SMCO2: variants seen among roughly 807,000 people sequenced by gnomAD.
SMCO2 encodes the protein single-pass membrane and coiled-coil domain-containing protein 2.
A neutral mutation model predicts 29.5 loss-of-function variants in SMCO2; 25 were observed. The ratio of observed to expected loss-of-function variants is 0.85; its 90% CI spans 0.62 to 1.18. The LOEUF is 1.18. Among genes scored for constraint, SMCO2 ranks in the 50% most tolerant of loss-of-function variants. SMCO2 has a pLI of 0.00. For synonymous variants in SMCO2, 117 were observed against 123.3 expected (o/e 0.95, Z 0.34); for missense variants, 348 against 344.5 (o/e 1.01, Z -0.08).
chr12:27,477,721 A>T (rs1033437533), intron 4 of SMCO2, among the ~76,000 whole-genome samples: 1 of 135,158 alleles, frequency 7.4e-6, no homozygotes, highest in Non-Finnish European at 1.6e-5. Flanking sequence ...GATCTAGTCT[A>T]TTATTTCAGC....
the SMCO2 span, among the ~76,000 whole-genome samples, chr12:27,445,676 G>T: frequency 6.6e-6 from 1 of 152,134 alleles, no homozygotes; most frequent in African/African-American, 2.4e-5. Context: ...ACTCCACAGG[G>T]ACCCATGTGT....
intron 7 of SMCO2, chr12:27,497,142 G>C (rs550760123): frequency 6.4e-6 from 1 of 155,852 alleles, no homozygotes; most frequent in Non-Finnish European, 1.5e-5. Context: ...CAGGCCTTTT[G>C]TAAGGAATCT....
intron 3 of SMCO2, among the ~76,000 whole-genome samples, chr12:27,474,556 A>G (rs1949567981): frequency 6.6e-6 from 1 of 152,132 alleles, no homozygotes; most frequent in African/African-American, 2.4e-5. Flanking sequence ...CAGGACTGAA[A>G]AGAGCTCTCC....
At chr12:27,445,507 A>T in the SMCO2 span, among the ~76,000 whole-genome samples, 3 of 152,240 alleles carry the variant, frequency 2.0e-5, no homozygotes, top group Non-Finnish European at 2.9e-5. Context: ...AATTCATATC[A>T]CAGCCTTAGT....
intron 4 of SMCO2, among the ~76,000 whole-genome samples, chr12:27,477,728 C>A (rs372611): frequency 0.12 from 16,766 of 139,614 alleles, 1,823 homozygotes; most frequent in African/African-American, 0.28. Context: ...TCTATTATTT[C>A]AGCTCTTTAT....
chr12:27,501,781 T>A, intron 7 of SMCO2, 142 bp from the exon 9 acceptor site: 1 of 612,168 alleles, frequency 1.6e-6, no homozygotes, highest in Non-Finnish European at 2.7e-6. Flanking sequence ...CATTCCAAGC[T>A]GCTGCTTTTA....
intron 4 of SMCO2, among the ~76,000 whole-genome samples, chr12:27,481,180 T>A (rs1240917853): frequency 6.6e-6 from 1 of 152,194 alleles, no homozygotes; most frequent in African/African-American, 2.4e-5. Flanking sequence ...AGGTAGTCTG[T>A]GGCTGCTGGG....
At chr12:27,470,541 A>C (rs1015677045) in intron 1 of SMCO2, 81 bp from the exon 2 acceptor site, 1 of 1,454,560 alleles carries the variant, frequency 6.9e-7, no homozygotes, top group Non-Finnish European at 9.2e-7. Context: ...CTGAGGAAGA[A>C]GTTAGTCTGG....
the SMCO2 span, among the ~76,000 whole-genome samples, chr12:27,443,048 A>G: frequency 6.6e-6 from 1 of 152,218 alleles, no homozygotes; most frequent in Non-Finnish European, 1.5e-5. Flanking sequence ...ACACCAGAGA[A>G]GAAAATACCA....
chr12:27,500,001 G>A (rs1943057756), intron 7 of SMCO2, among the ~76,000 whole-genome samples: 1 of 150,254 alleles, frequency 6.7e-6, no homozygotes, highest in Non-Finnish European at 1.5e-5. Context: ...ACGTGGCAAG[G>A]TTTGAAAATT....
At chr12:27,473,926 G>A (rs929459368) in intron 3 of SMCO2, among the ~76,000 whole-genome samples, 1 of 152,178 alleles carries the variant, frequency 6.6e-6, no homozygotes, top group African/African-American at 2.4e-5. Context: ...AGCAGAACAT[G>A]TCTTGGATGC....
chr12:27,453,935 A>C, the SMCO2 span, among the ~76,000 whole-genome samples: 1 of 152,178 alleles, frequency 6.6e-6, no homozygotes, highest in South Asian at 2.1e-4. Context: ...CATCATCCAG[A>C]TATAACCATT....
At chr12:27,451,714 T>C in the SMCO2 span, among the ~76,000 whole-genome samples, 1 of 152,214 alleles carries the variant, frequency 6.6e-6, no homozygotes. Context: ...CTCAACAGCA[T>C]GAGGCACATT....
chr12:27,449,935 A>G, the SMCO2 span, among the ~76,000 whole-genome samples: 1 of 152,230 alleles, frequency 6.6e-6, no homozygotes, highest in Non-Finnish European at 1.5e-5. Context: ...AGACTCGAGC[A>G]GGCAGCCCTG....
intron 4 of SMCO2, among the ~76,000 whole-genome samples, chr12:27,487,941 T>A (rs74811478): frequency 6.6e-6 from 1 of 152,044 alleles, no homozygotes; most frequent in African/African-American, 2.4e-5. Context: ...GGTTTTTTTT[T>A]AATGTTGAGC....
upstream of SMCO2, among the ~76,000 whole-genome samples, chr12:27,466,612 G>C (rs547210434): frequency 6.6e-5 from 10 of 152,212 alleles, no homozygotes; most frequent in South Asian, 2.1e-3. Flanking sequence ...CCAGGAGATG[G>C]GTGGACAGAG....
the SMCO2 span, among the ~76,000 whole-genome samples, chr12:27,447,867 T>G: frequency 6.6e-6 from 1 of 152,206 alleles, no homozygotes; most frequent in Non-Finnish European, 1.5e-5. Context: ...GTAGATGTAC[T>G]TTCTCTGGAC....
chr12:27,451,370 G>T, the SMCO2 span, among the ~76,000 whole-genome samples: 1 of 152,148 alleles, frequency 6.6e-6, no homozygotes. Context: ...GGGTTATAAC[G>T]GTCATCCATT....
At chr12:27,442,047 G>A in the SMCO2 span, among the ~76,000 whole-genome samples, 12 of 152,144 alleles carry the variant, frequency 7.9e-5, no homozygotes, top group Non-Finnish European at 1.5e-4. Context: ...CAGAATCTAT[G>A]TGATACAACA....
Sources: gnomAD v4.1 joint callset for allele counts (sites outside exome capture counted in the v4.1 genomes callset) on GRCh38, gnomAD v4.1.1 for gene constraint, MANE v1.5 for transcripts, NCBI Gene and HGNC (gene_info 2026-07-23, HGNC 2026-07-21) for gene names.